EBI3: variants seen among roughly 807,000 people sequenced by gnomAD.
EBI3 encodes the protein Epstein-Barr virus induced 3.
A neutral mutation model predicts 21.3 loss-of-function variants in EBI3; 19 were observed. The ratio of observed to expected loss-of-function variants is 0.89; its 90% CI spans 0.62 to 1.31. The LOEUF (loss-of-function observed/expected upper bound fraction) is 1.31, where lower values mean the gene tolerates loss of function less well. Among genes scored for constraint, EBI3 ranks in the 50% most tolerant of loss-of-function variants. The pLI is 0.00. For missense variants in EBI3, 331 were observed against 314.0 expected (o/e 1.05, Z -0.41); for synonymous variants, 154 against 131.2 (o/e 1.17, Z -1.19).
chr19:4,232,818 A>T (rs1285910306), intron 2 of EBI3, among the ~76,000 whole-genome samples: 2 of 125,774 alleles, frequency 1.6e-5, no homozygotes, highest in Non-Finnish European at 3.3e-5. Flanking sequence ...GAATGAACGG[A>T]TGAATGAATG....
At chr19:4,235,104 C>T (rs1205464630) in intron 4 of EBI3, among the ~76,000 whole-genome samples, 6 of 152,092 alleles carry the variant, frequency 3.9e-5, no homozygotes, top group African/African-American at 9.7e-5. Flanking sequence ...CTGCAAACTC[C>T]GCCTCCCAGG....
chr19:4,231,953 G>C (rs992756742), intron 2 of EBI3, among the ~76,000 whole-genome samples: 18 of 149,468 alleles, frequency 1.2e-4, no homozygotes, highest in Non-Finnish European at 2.5e-4. Flanking sequence ...ATGGCCAGGC[G>C]CGGTGGCTCA....
intron 2 of EBI3, 158 bp from the exon 3 acceptor site, chr19:4,232,971 G>C: frequency 1.0e-5 from 8 of 769,126 alleles, no homozygotes; most frequent in Non-Finnish European, 1.5e-5. Flanking sequence ...TGCCCCCGGG[G>C]GGTGGCACGG....
intron 2 of EBI3, among the ~76,000 whole-genome samples, chr19:4,232,031 C>A (rs922110226): frequency 6.6e-6 from 1 of 150,784 alleles, no homozygotes; most frequent in Admixed American, 6.7e-5. Context: ...TGGAGACCAC[C>A]CTGGCGAACA....
At chr19:4,232,945 G>A in intron 2 of EBI3, 184 bp from the exon 3 acceptor site, 1 of 586,216 alleles carries the variant, frequency 1.7e-6, no homozygotes. Flanking sequence ...GCACCGTGAT[G>A]TTGGGGCCCA....
intron 2 of EBI3, among the ~76,000 whole-genome samples, chr19:4,232,398 A>G (rs1329308612): frequency 3.3e-5 from 5 of 151,666 alleles, no homozygotes; most frequent in East Asian, 1.9e-4. Flanking sequence ...CCTGGGCAAC[A>G]TAGCAATATC....
chr19:4,230,622 G>A lies in EBI3; in HGVS notation c.68-569G>A, dbSNP rs353712. Reference sequence around the variant, plus strand: ...TTATAGGCTGGGTTTGGTGGCTCACGCCTGTAATTCCAGCACTTTGGGAGG... The same window carrying A: ...TTATAGGCTGGGTTTGGTGGCTCACACCTGTAATTCCAGCACTTTGGGAGG... On this transcript the variant is annotated intron_variant, in intron 1 of 4. Transcript: ENST00000221847. Among the ~76,000 whole-genome samples the A allele has an allele frequency of 1.4e-4, 21 of 151,938 alleles. No homozygotes were observed. The South Asian group carries it at 3.5e-3, about 26-fold the overall frequency.
chr19:4,236,506 G>A (rs1233841546), intron 4 of EBI3, among the ~76,000 whole-genome samples: 1 of 72,772 alleles, frequency 1.4e-5, no homozygotes, highest in East Asian at 5.3e-4. Context: ...GGGCAACAGA[G>A]TAAGACTGTC....
At position 4,236,082 on chromosome 19, in the gene EBI3, G is replaced by A. The variant is rs148395506; in HGVS notation, c.538-854G>A. Among the ~76,000 whole-genome samples the A allele has an allele frequency of 7.5e-3, 1,132 of 151,886 alleles. 20 individuals carry two copies. The highest frequency in any genetic ancestry group is 0.026 in the African/African-American group (1,086 of 41,438). ...TTAAAAATACAAAAATTGGCCTGGCGCGGTGGCTCATGCCTGTAATCCCAG... is the reference window on the plus strand; with the variant it reads ...TTAAAAATACAAAAATTGGCCTGGCACGGTGGCTCATGCCTGTAATCCCAG... On this transcript the variant is annotated intron_variant, in intron 4 of 4. Coordinates refer to ENST00000221847, the MANE Select transcript of EBI3 (RefSeq NM_005755.3).
At chr19:4,231,103 G>T (rs1001296690) in intron 1 of EBI3, 88 bp from the exon 2 acceptor site, 15 of 1,451,418 alleles carry the variant, frequency 1.0e-5, no homozygotes, top group East Asian at 2.5e-5. Flanking sequence ...CCTGGTGCTG[G>T]CTGGCAACGT....
chr19:4,233,472 T>A (rs915555754), intron 3 of EBI3, among the ~76,000 whole-genome samples, 165 bp downstream of exon 3: 1 of 151,326 alleles, frequency 6.6e-6, no homozygotes, highest in Non-Finnish European at 1.5e-5. Flanking sequence ...AGCACCCCCA[T>A]CATTGACAGC....
rs759037531 is a variant in EBI3, at chr19:4,234,694, G to A, written c.407G>A (p.Arg136His). 14 of 1,613,924 alleles carry A rather than the reference G, an allele frequency of 8.7e-6. No homozygotes were observed. The highest frequency in any genetic ancestry group is 1.6e-4 in the Middle Eastern group (1 of 6,084). The change falls in exon 4 of 5, where the codon CGC becomes CAC. Residue 136 changes from arginine (R) to histidine (H), a missense_variant. Transcript: ENST00000221847. ...IIKPDPPEGV[R>H]LSPLAERQLQ... is the part of the protein sequence containing the mutation. ...AAGCCCGACCCTCCAGAAGGCGTGCGCCTAAGCCCCCTCGCTGAGCGCCAG... is the reference window on the plus strand; with the variant it reads ...AAGCCCGACCCTCCAGAAGGCGTGCACCTAAGCCCCCTCGCTGAGCGCCAG...
chr19:4,237,239 C>G lies in EBI3; in HGVS notation c.*151C>G. On this transcript the variant is annotated 3_prime_UTR_variant, in exon 5 of 5. Transcript: ENST00000221847. ...CTGCCGGGCAACCTCAGATGACCGACTTTTCCCTTTGAGCCTCAGTTTCTC... is the reference window on the plus strand; with the variant it reads ...CTGCCGGGCAACCTCAGATGACCGAGTTTTCCCTTTGAGCCTCAGTTTCTC... 1.1e-6 allele frequency: 1 copy of G among 904,908 alleles called. No homozygotes were observed. 56.1% of individuals were successfully genotyped at this position (904,908 alleles called of 1,614,324 possible).
At chr19:4,236,477 C>T (rs150460194) in intron 4 of EBI3, among the ~76,000 whole-genome samples, 8 of 141,246 alleles carry the variant, frequency 5.7e-5, no homozygotes, top group African/African-American at 1.4e-4. Context: ...GCCAAGATTG[C>T]CCCACTGCAC....
intron 4 of EBI3, 135 bp downstream of exon 4, chr19:4,234,959 A>G: frequency 7.7e-7 from 1 of 1,301,318 alleles, no homozygotes; most frequent in Non-Finnish European, 1.0e-6. Context: ...CAGTCCAGCA[A>G]TCTGATTCCT....
chr19:4,235,121 C>G (rs988438583), intron 4 of EBI3, among the ~76,000 whole-genome samples: 2 of 151,252 alleles, frequency 1.3e-5, no homozygotes, highest in East Asian at 3.9e-4. Flanking sequence ...CAGGTTCAAG[C>G]GATGCTCCTG....
Position 4,231,205 on chromosome 19 carries a change from C to T in EBI3, c.82C>T (p.Leu28=). The change falls in exon 2 of 5, where the codon CTG becomes TTG. Residue 28 remains leucine, a synonymous_variant. Transcript: ENST00000221847. ...TCTTCCTCCAGGGCCCCCAGCAGCT[C>T]TGACACTGCCCCGGGTGCAATGCCG... The part of the protein sequence containing the change: ...CSGRKGPPAA[L]TLPRVQCRAS... 1 of 1,598,538 alleles carries T rather than the reference C, an allele frequency of 6.3e-7. No individual in the cohort carries two copies. Among genetic ancestry groups the T allele is most frequent in the African/African-American group, 1.4e-5 (1 of 73,816 alleles).
At chr19:4,236,863 T>G in intron 4 of EBI3, 73 bp from the exon 5 acceptor site, 1 of 1,396,916 alleles carries the variant, frequency 7.2e-7, no homozygotes, top group Non-Finnish European at 9.4e-7. Context: ...GCACGCTCCG[T>G]TGTGTGGTTC....
At chr19:4,236,173 G>A (rs972243312) in intron 4 of EBI3, among the ~76,000 whole-genome samples, 2 of 152,118 alleles carry the variant, frequency 1.3e-5, no homozygotes, top group Non-Finnish European at 2.9e-5. Context: ...GACCAACATG[G>A]TGAAATCACA....
Sources: gnomAD v4.1 joint callset for allele counts (sites outside exome capture counted in the v4.1 genomes callset) on GRCh38, gnomAD v4.1.1 for gene constraint, MANE v1.5 for transcripts, NCBI Gene and HGNC (gene_info 2026-07-23, HGNC 2026-07-21) for gene names.